Variants in SLC14A2 observed in about 807,000 individuals in gnomAD.
The protein encoded by SLC14A2 is solute carrier family 14 member 2.
In SLC14A2, 91 loss-of-function variants were observed where a neutral mutation model predicts 104.6. That is an observed-to-expected ratio of 0.87 (90% CI 0.73 to 1.04). The LOEUF (loss-of-function observed/expected upper bound fraction) is 1.04. Among genes scored for constraint, SLC14A2 ranks in the 50% least tolerant of loss-of-function variants. The probability of loss-of-function intolerance (pLI) is 0.00; values close to 1 mark genes in which losing one functional copy is unlikely to be tolerated. For synonymous variants in SLC14A2, 476 were observed against 466.4 expected (o/e 1.02, Z -0.27); for missense variants, 1,189 against 1,156.0 (o/e 1.03, Z -0.41).
chr18:45,224,298 A>G (rs917722103), intron 1 of SLC14A2, among the ~76,000 whole-genome samples: 1 of 152,228 alleles, frequency 6.6e-6, no homozygotes, highest in African/African-American at 2.4e-5. Context: ...TCTCTGCTAC[A>G]AGTCCTCCCT....
intron 1 of SLC14A2, among the ~76,000 whole-genome samples, chr18:45,305,320 CT>C (rs1568143876): frequency 6.6e-6 from 1 of 152,204 alleles, no homozygotes; most frequent in Non-Finnish European, 1.5e-5. Flanking sequence ...GTTATTACCA[CT>C]TTCTGGCTGA....
intron 2 of SLC14A2, among the ~76,000 whole-genome samples, chr18:45,594,402 CATCTG>C (rs944125858): frequency 2.6e-5 from 4 of 152,206 alleles, no homozygotes; most frequent in African/African-American, 9.6e-5. Context: ...CCCATAGACT[CATCTG>C]GTCAGAAAAT....
chr18:45,606,300 A>G (rs573290451), intron 2 of SLC14A2, among the ~76,000 whole-genome samples: 1 of 152,268 alleles, frequency 6.6e-6, no homozygotes, highest in South Asian at 2.1e-4. Context: ...TCCATCAATG[A>G]GAGTTCAGCA....
intron 1 of SLC14A2, among the ~76,000 whole-genome samples, chr18:45,295,892 G>C (rs532241086): frequency 4.6e-5 from 7 of 152,006 alleles, no homozygotes; most frequent in African/African-American, 1.7e-4. Context: ...CTGCAAAATG[G>C]GAATGATAAC....
intron 1 of SLC14A2, among the ~76,000 whole-genome samples, chr18:45,316,764 A>ACCCTT (rs2085133527): frequency 6.6e-6 from 1 of 152,020 alleles, no homozygotes; most frequent in African/African-American, 2.4e-5. Flanking sequence ...GGACAGAACT[A>ACCCTT]CCCTTCCCTT....
At chr18:45,521,908 C>T (rs1458003737) in intron 2 of SLC14A2, among the ~76,000 whole-genome samples, 1 of 152,074 alleles carries the variant, frequency 6.6e-6, no homozygotes, top group Non-Finnish European at 1.5e-5. Flanking sequence ...GAGGTATTTT[C>T]CCAGAGGCCT....
chr18:45,588,661 T>C (rs998312614), intron 2 of SLC14A2, among the ~76,000 whole-genome samples: 3 of 152,160 alleles, frequency 2.0e-5, no homozygotes, highest in Admixed American at 1.3e-4. Context: ...CCTCACGGCT[T>C]TGGATAAAGC....
intron 2 of SLC14A2, among the ~76,000 whole-genome samples, chr18:45,587,949 C>G (rs1200646322): frequency 1.3e-5 from 2 of 152,090 alleles, no homozygotes; most frequent in Middle Eastern, 3.2e-3. Flanking sequence ...CTAGAACAAA[C>G]AAAGTCCAAG....
chr18:45,588,526 G>A (rs2044600186), intron 2 of SLC14A2, among the ~76,000 whole-genome samples: 2 of 152,232 alleles, frequency 1.3e-5, no homozygotes, highest in Admixed American at 1.3e-4. Context: ...CTTAAGTCAT[G>A]TGACATCCAT....
At chr18:45,636,554 TCCTCCTAGAA>T (rs2045419472) in intron 5 of SLC14A2, among the ~76,000 whole-genome samples, 1 of 152,338 alleles carries the variant, frequency 6.6e-6, no homozygotes, top group East Asian at 1.9e-4. Flanking sequence ...CATTGCAGCC[TCCTCCTAGAA>T]GGTCAGTCTT....
rs1461441927 is a variant in SLC14A2 at position 45,667,773 on chromosome 18, G to A, written c.1718-60G>A. On this transcript the variant is annotated intron_variant, in intron 13 of 19. Transcript: ENST00000255226. ...CCAGATTCCCTCACACCCTCCATCT[G>A]CCCACCCAGGGCTGCCCACACTGAG... 2.8e-6 allele frequency: 4 copies of A among 1,420,484 alleles called. No homozygotes were observed. In the African/African-American group the frequency reaches 4.2e-5, roughly 15 times the overall value. The allele number at this position is 1,420,484 out of a possible 1,614,324, so 88.0% of individuals were successfully genotyped here. A position where few individuals can be genotyped will look rare whatever the true frequency, so the allele number is the denominator to read the frequency against.
At chr18:45,645,632 A>ATATATATATATATATATATAT (rs1568312070) in intron 10 of SLC14A2, among the ~76,000 whole-genome samples, 1 of 7,092 alleles carries the variant, frequency 1.4e-4, no homozygotes, top group African/African-American at 4.2e-4. Flanking sequence ...TACATATACA[A>ATATATATATATATATATATAT]AGATATATAT....
rs567243617 is a variant in SLC14A2, at chr18:45,260,274, A to G, written c.-125+47083A>G. Among the ~76,000 whole-genome samples the G allele has an allele frequency of 1.6e-4, 24 of 152,312 alleles. No individual in the cohort carries two copies. The South Asian group carries it at 4.8e-3, about 30-fold the overall frequency. On this transcript the variant is annotated intron_variant, in intron 1 of 20. Transcript: ENST00000586448. ...GTGTCCTTGCCCTTGAACAACCTAC[A>G]GTTTAGTTAGGAAGTCACAAGTTGC... is the stretch of plus-strand genomic sequence containing the variant.
the SLC14A2 span, among the ~76,000 whole-genome samples, chr18:45,192,915 A>G: frequency 6.6e-6 from 1 of 152,004 alleles, no homozygotes; most frequent in Non-Finnish European, 1.5e-5. Flanking sequence ...CTGACCTCCC[A>G]AAGTGCTGGG....
At chr18:45,388,664 TAAG>T (rs2085927952) in intron 1 of SLC14A2, among the ~76,000 whole-genome samples, 1 of 152,128 alleles carries the variant, frequency 6.6e-6, no homozygotes, top group Admixed American at 6.5e-5. Context: ...AGAGAACACT[TAAG>T]AATAGGAATT....
At chr18:45,242,044 A>C (rs533086640) in intron 1 of SLC14A2, among the ~76,000 whole-genome samples, 2 of 152,266 alleles carry the variant, frequency 1.3e-5, no homozygotes, top group South Asian at 4.2e-4. Context: ...CTACATGCCT[A>C]GGACAGTGTT....
chr18:45,230,250 T>C (rs374464988), intron 1 of SLC14A2, among the ~76,000 whole-genome samples: 1 of 152,212 alleles, frequency 6.6e-6, no homozygotes, highest in Non-Finnish European at 1.5e-5. Context: ...CTTGGTGGCT[T>C]AAACACCCCA....
chr18:45,521,442 G>A (rs1467337951), intron 2 of SLC14A2, among the ~76,000 whole-genome samples: 1 of 151,980 alleles, frequency 6.6e-6, no homozygotes, highest in East Asian at 1.9e-4. Flanking sequence ...ACCATAAGCA[G>A]GATACAGCTC....
At chr18:45,214,751 A>G (rs1398436634) in intron 1 of SLC14A2, among the ~76,000 whole-genome samples, 1 of 152,044 alleles carries the variant, frequency 6.6e-6, no homozygotes, top group Non-Finnish European at 1.5e-5. Flanking sequence ...GTTTATCCAG[A>G]TTATGTTTCA....
Sources: gnomAD v4.1 joint callset for allele counts (sites outside exome capture counted in the v4.1 genomes callset) on GRCh38, gnomAD v4.1.1 for gene constraint, MANE v1.5 for transcripts, NCBI Gene and HGNC (gene_info 2026-07-23, HGNC 2026-07-21) for gene names.